The following CDH20 variants were observed in gnomAD, a reference collection of about 807,000 sequenced individuals.
The protein encoded by CDH20 is cadherin-20.
CDH20 carries 29 observed loss-of-function variants against 74.2 expected under a neutral mutation model. The ratio of observed to expected loss-of-function variants is 0.39; its 90% CI spans 0.29 to 0.53. The LOEUF (loss-of-function observed/expected upper bound fraction) is 0.53, where lower values mean the gene tolerates loss of function less well. Ranked by LOEUF, CDH20 falls within the 20% of genes least tolerant of loss-of-function variation. The pLI is 0.69. For synonymous variants in CDH20, 469 were observed against 405.4 expected (o/e 1.16, Z -1.88); for missense variants, 988 against 1,048.3 (o/e 0.94, Z 0.79).
intron 1 of CDH20, among the ~76,000 whole-genome samples, chr18:61,488,502 G>A (rs577361789): frequency 6.6e-6 from 1 of 152,286 alleles, no homozygotes; most frequent in Admixed American, 6.5e-5. Flanking sequence ...ATGGTCCAGT[G>A]AGGTAGGTGG....
chr18:61,349,234 T>G (rs1391312690), intron 1 of CDH20, among the ~76,000 whole-genome samples: 1 of 152,150 alleles, frequency 6.6e-6, no homozygotes, highest in African/African-American at 2.4e-5. Flanking sequence ...ACCATCTGCT[T>G]CCTCCTAGCA....
At chr18:61,444,757 T>G (rs530488884) in intron 1 of CDH20, among the ~76,000 whole-genome samples, 1 of 152,288 alleles carries the variant, frequency 6.6e-6, no homozygotes, top group African/African-American at 2.4e-5. Flanking sequence ...TTTACTAAAA[T>G]TCCTCAAAAT....
At chr18:61,361,684 A>T (rs1323656662) in intron 1 of CDH20, among the ~76,000 whole-genome samples, 1 of 152,218 alleles carries the variant, frequency 6.6e-6, no homozygotes, top group Non-Finnish European at 1.5e-5. Flanking sequence ...ATTTATAGCA[A>T]TTTGACAGAA....
At chr18:61,511,129 G>A in intron 6 of CDH20, among the ~76,000 whole-genome samples, 1 of 150,102 alleles carries the variant, frequency 6.7e-6, no homozygotes, top group South Asian at 2.1e-4. Flanking sequence ...TGGGACTATA[G>A]GCATGTGCCA....
intron 2 of CDH20, among the ~76,000 whole-genome samples, chr18:61,497,041 A>G (rs1241775385): frequency 6.6e-6 from 1 of 151,238 alleles, no homozygotes; most frequent in Non-Finnish European, 1.5e-5. Flanking sequence ...ACACAACAAG[A>G]GATGGGCACC....
intron 1 of CDH20, among the ~76,000 whole-genome samples, chr18:61,460,051 G>C (rs1303075852): frequency 2.0e-5 from 3 of 152,088 alleles, no homozygotes; most frequent in Non-Finnish European, 4.4e-5. Flanking sequence ...TTGGATTTGA[G>C]TTCCTTTCTT....
chr18:61,436,130 A>T (rs1908827467), intron 1 of CDH20, among the ~76,000 whole-genome samples: 2 of 152,206 alleles, frequency 1.3e-5, no homozygotes, highest in South Asian at 4.1e-4. Flanking sequence ...AATAATATTC[A>T]ATTATGTGGC....
intron 1 of CDH20, among the ~76,000 whole-genome samples, chr18:61,347,287 AATATATATATATATAT>A (rs758677743): frequency 1.2e-5 from 1 of 86,458 alleles, no homozygotes; most frequent in Admixed American, 1.2e-4. Context: ...TGTCTCTGCT[AATATATATATATATAT>A]ATATATATAT....
chr18:61,553,375 C>T (rs1323358073), intron 11 of CDH20, among the ~76,000 whole-genome samples: 2 of 152,120 alleles, frequency 1.3e-5, no homozygotes, highest in Non-Finnish European at 2.9e-5. Context: ...CTCCTTTAAA[C>T]CCCAGCGAAC....
At chr18:61,412,633 T>A (rs1407157320) in intron 1 of CDH20, among the ~76,000 whole-genome samples, 1 of 152,096 alleles carries the variant, frequency 6.6e-6, no homozygotes, top group African/African-American at 2.4e-5. Context: ...TGAAAGGGGA[T>A]GTGGAATCAA....
chr18:61,391,737 A>G (rs1359988454), intron 1 of CDH20: 1 of 152,260 alleles, frequency 6.6e-6, no homozygotes, highest in East Asian at 1.9e-4. Flanking sequence ...GTATCCTGGA[A>G]CTTAAAATGA....
intron 3 of CDH20, among the ~76,000 whole-genome samples, chr18:61,499,759 G>T (rs1468321262): frequency 6.6e-6 from 1 of 152,128 alleles, no homozygotes; most frequent in Non-Finnish European, 1.5e-5. Context: ...ATATTAGCTA[G>T]ACAGATTTGT....
rs1295954736 is a variant in CDH20, at chr18:61,490,428, G to T, written c.-126G>T. 1 of 920,728 alleles carries T rather than the reference G, an allele frequency of 1.1e-6. No homozygotes were observed. Among genetic ancestry groups the T allele is most frequent in the Non-Finnish European group, 1.7e-6 (1 of 601,146 alleles). 57.0% of individuals were successfully genotyped at this position (920,728 alleles called of 1,614,324 possible). ...AAGTCAACTTCAAGCAGATTGACTT[G>T]AAACGGGATCTCATTTAGGAAGCAT... On this transcript the variant is annotated 5_prime_UTR_variant, in exon 2 of 12. Coordinates refer to ENST00000262717, the MANE Select transcript of CDH20 (RefSeq NM_031891.4).
chr18:61,478,366 C>T (rs997258545), intron 1 of CDH20, among the ~76,000 whole-genome samples: 1 of 152,072 alleles, frequency 6.6e-6, no homozygotes. Flanking sequence ...CTCGTTTTCT[C>T]TTGCATGTTG....
intron 1 of CDH20, among the ~76,000 whole-genome samples, chr18:61,470,106 G>A (rs1910111534): frequency 6.6e-6 from 1 of 152,112 alleles, no homozygotes; most frequent in Non-Finnish European, 1.5e-5. Flanking sequence ...TCTCACCTCT[G>A]CCGGCGGTCT....
At chr18:61,371,280 G>A (rs1219546835) in intron 1 of CDH20, among the ~76,000 whole-genome samples, 1 of 152,000 alleles carries the variant, frequency 6.6e-6, no homozygotes, top group African/African-American at 2.4e-5. Context: ...TTTCATTAGT[G>A]CTGGTTGACT....
At chr18:61,372,583 C>A (rs973126724) in intron 1 of CDH20, among the ~76,000 whole-genome samples, 5 of 152,008 alleles carry the variant, frequency 3.3e-5, no homozygotes, top group African/African-American at 1.2e-4. Context: ...AACCCACAAG[C>A]TTAAGAATGG....
chr18:61,531,450 A>G (rs763156337), intron 7 of CDH20, among the ~76,000 whole-genome samples: 26 of 152,328 alleles, frequency 1.7e-4, no homozygotes, highest in Non-Finnish European at 2.6e-4. Flanking sequence ...CAGGAGCTGA[A>G]AGAGAAGACT....
intron 1 of CDH20, among the ~76,000 whole-genome samples, chr18:61,339,556 G>T (rs1275750069): frequency 6.6e-6 from 1 of 151,882 alleles, no homozygotes; most frequent in Non-Finnish European, 1.5e-5. Flanking sequence ...CATGTATTAA[G>T]TGCTGAGTCT....
Sources: allele counts gnomAD v4.1 joint callset (sites outside exome capture counted in the v4.1 genomes callset), GRCh38; gene constraint gnomAD v4.1.1; transcripts MANE v1.5; gene names NCBI Gene and HGNC (gene_info 2026-07-23, HGNC 2026-07-21).